The following MFF variants were observed in gnomAD, a reference collection of about 807,000 sequenced individuals.
The protein encoded by MFF is chromosome 2 open reading frame 33.
MFF carries 12 observed loss-of-function variants against 36.9 expected under a neutral mutation model. That is an observed-to-expected ratio of 0.33 (90% CI 0.21 to 0.53). The LOEUF is 0.53. Among genes scored for constraint, MFF ranks in the 20% least tolerant of loss-of-function variants. The pLI, the probability that MFF is intolerant of heterozygous loss-of-function variation, is 0.95. For missense variants in MFF, 348 were observed against 366.6 expected, an observed-to-expected ratio of 0.95 and a Z score of 0.42; for synonymous variants, 99 against 126.2, an observed-to-expected ratio of 0.78 and a Z score of 1.44.
chr2:227,342,667 A>C, intron 5 of MFF: 1 of 1,215,120 alleles, frequency 8.2e-7, no homozygotes, highest in South Asian at 1.3e-5. Flanking sequence ...AGTGAATTCT[A>C]AACAGTAAAA....
chr2:227,340,546 T>C, intron 5 of MFF, 166 bp downstream of exon 5: 1 of 582,020 alleles, frequency 1.7e-6, no homozygotes. Context: ...GCCATTTTGT[T>C]GGTCCTGAGA....
At chr2:227,337,079 G>A (rs2075060385) in intron 4 of MFF, among the ~76,000 whole-genome samples, 1 of 152,206 alleles carries the variant, frequency 6.6e-6, no homozygotes, top group Non-Finnish European at 1.5e-5. Context: ...GCAGAATGGA[G>A]CAAAAGTCTG....
chr2:227,329,256 G>T (rs147330457), intron 2 of MFF: 351 of 155,210 alleles, frequency 2.3e-3, no homozygotes, highest in Middle Eastern at 6.7e-3. Flanking sequence ...ATTCATTTGG[G>T]CTTAGTCTTA....
At chr2:227,332,367 T>TA (rs1192361516) in intron 3 of MFF, 52 bp from the exon 4 acceptor site, 33 of 1,421,510 alleles carry the variant, frequency 2.3e-5, no homozygotes, top group Admixed American at 6.5e-5. Flanking sequence ...ACTGTCTTTT[T>TA]AAAAAACCTC....
intron 6 of MFF, among the ~76,000 whole-genome samples, chr2:227,350,360 C>T (rs1272810669): frequency 1.3e-5 from 2 of 152,048 alleles, no homozygotes; most frequent in African/African-American, 4.8e-5. Context: ...TTCGCATCTT[C>T]AAAAAGAAAC....
intron 5 of MFF, chr2:227,342,694 C>G: frequency 2.1e-6 from 3 of 1,442,278 alleles, no homozygotes; most frequent in Non-Finnish European, 2.9e-6. Context: ...CTAGCTTTTT[C>G]TTTGTGTTAT....
chr2:227,338,344 G>A (rs1393379829), intron 4 of MFF, among the ~76,000 whole-genome samples: 1 of 135,030 alleles, frequency 7.4e-6, no homozygotes, highest in African/African-American at 2.7e-5. Flanking sequence ...ACTCCAGCCT[G>A]GGGGAACAGA....
intron 6 of MFF, among the ~76,000 whole-genome samples, chr2:227,351,483 A>G (rs754782893): frequency 2.6e-5 from 4 of 151,354 alleles, no homozygotes; most frequent in East Asian, 3.9e-4. Context: ...TTACCATTAT[A>G]TAATTATTGT....
chr2:227,332,548 T>C lies in MFF; in HGVS notation c.311T>C (p.Leu104Pro). The change falls in exon 4 of 9, where the codon CTG becomes CCG. Residue 104 changes from leucine (L) to proline (P), a missense_variant. Transcript: ENST00000304593. The stretch of plus-strand genomic sequence containing the variant: ...CTGAGTGAAAGACCACTAGATTTTC[T>C]GGATTTAGAAAGACCTCCTACAACC... ...LTLSERPLDFLDLERPPTTPQ... is the reference protein window; with the variant it reads ...LTLSERPLDFPDLERPPTTPQ... 1 of 1,613,490 alleles carries C rather than the reference T, an allele frequency of 6.2e-7. No individual in the cohort carries two copies. Among genetic ancestry groups the C allele is most frequent in the East Asian group, 2.2e-5 (1 of 44,852 alleles).
intron 1 of MFF, among the ~76,000 whole-genome samples, chr2:227,327,128 G>A (rs2074213100): frequency 6.6e-6 from 1 of 151,590 alleles, no homozygotes; most frequent in Non-Finnish European, 1.5e-5. Flanking sequence ...AAAAAGTCGA[G>A]TTAAAAAAAT....
chr2:227,332,626 T>C (rs757735738), intron 4 of MFF, 38 bp downstream of exon 4: 53 of 1,517,618 alleles, frequency 3.5e-5, no homozygotes, highest in East Asian at 2.3e-5. Context: ...TTTGAAATAA[T>C]GTAGACAAAG....
chr2:227,354,048 T>C (rs1231157112), intron 7 of MFF, among the ~76,000 whole-genome samples: 2 of 152,172 alleles, frequency 1.3e-5, no homozygotes, highest in Admixed American at 6.5e-5. Context: ...CTCTAACTGG[T>C]ATAATTACCC....
Position 227,330,757 on chromosome 2 carries a change from C to T in MFF, c.92C>T (p.Pro31Leu), listed in dbSNP as rs149692814. The T allele has an allele frequency of 5.2e-4, 834 of 1,614,152 alleles. 3 individuals carry two copies. In the African/African-American group the frequency reaches 8.3e-3, roughly 16 times the overall value. Reference protein sequence around the residue: ...MRVPEKLKVAPPNADLEQGFQ... With the variant: ...MRVPEKLKVALPNADLEQGFQ... ...GTCCCAGAAAAGTTAAAAGTAGCAC[C>T]GCCAAACGCTGACCTGGAACAAGGA... Residue 31 changes from proline to leucine, a missense_variant, in exon 3 of 9, where the codon CCG becomes CTG. By Grantham distance (98) the Pro-to-Leu change is moderately conservative. Transcript: ENST00000304593.
At chr2:227,348,591 C>A (rs10171422) in intron 6 of MFF, among the ~76,000 whole-genome samples, 134,184 of 152,096 alleles carry the variant, frequency 0.88, 59,794 homozygotes, top group Non-Finnish European at 0.95. Flanking sequence ...AGCTTCAAAG[C>A]CATTCTTGGA....
At chr2:227,349,330 C>A (rs1003885194) in intron 6 of MFF, among the ~76,000 whole-genome samples, 5 of 151,754 alleles carry the variant, frequency 3.3e-5, no homozygotes, top group African/African-American at 1.2e-4. Flanking sequence ...AATCAAAAAT[C>A]GTATTAGTAT....
intron 4 of MFF, among the ~76,000 whole-genome samples, chr2:227,339,941 C>T (rs1351000994): frequency 1.3e-5 from 2 of 152,190 alleles, no homozygotes; most frequent in Non-Finnish European, 2.9e-5. Context: ...TGCCTGTAAA[C>T]ACTTTTATAA....
chr2:227,345,679 TTTTA>T (rs1355520281), intron 5 of MFF, among the ~76,000 whole-genome samples: 16 of 152,210 alleles, frequency 1.1e-4, no homozygotes, highest in African/African-American at 2.9e-4. Context: ...AGGATGTTTT[TTTTA>T]TTTGTTTGTT....
chr2:227,342,595 A>G (rs1191474304), intron 5 of MFF: 1 of 594,742 alleles, frequency 1.7e-6, no homozygotes, highest in East Asian at 2.9e-5. Context: ...CAGGAGCACT[A>G]GCCTTTGTTT....
intron 6 of MFF, among the ~76,000 whole-genome samples, chr2:227,349,420 A>C (rs1362035341): frequency 1.3e-5 from 2 of 152,122 alleles, no homozygotes; most frequent in Non-Finnish European, 2.9e-5. Flanking sequence ...CATTGTGATG[A>C]ATTGATAACT....
Sources: gnomAD v4.1 joint callset for allele counts (sites outside exome capture counted in the v4.1 genomes callset) on GRCh38, gnomAD v4.1.1 for gene constraint, MANE v1.5 for transcripts, NCBI Gene and HGNC (gene_info 2026-07-23, HGNC 2026-07-21) for gene names.